Variants in ARMC8 observed in about 807,000 individuals in gnomAD.
ARMC8 encodes the protein armadillo repeat containing 8, also known as armadillo repeat-containing protein 8.
A neutral mutation model predicts 99.3 loss-of-function variants in ARMC8; 20 were observed. That is an observed-to-expected ratio of 0.20 (90% CI 0.14 to 0.29). The LOEUF is 0.29. ARMC8 is among the 10% of genes least tolerant of loss of function. The pLI is 1.00. For missense variants in ARMC8, 569 were observed against 809.5 expected (o/e 0.70, Z 3.60); for synonymous variants, 263 against 278.3 (o/e 0.95, Z 0.55).
At chr3:138,231,707 T>A (rs1174680681) in intron 6 of ARMC8, among the ~76,000 whole-genome samples, 1 of 151,374 alleles carries the variant, frequency 6.6e-6, no homozygotes, top group African/African-American at 2.4e-5. Context: ...AGCGAGAGGA[T>A]CCCAAGCGAG....
At chr3:138,271,045 C>G (rs1353714099) in intron 16 of ARMC8, among the ~76,000 whole-genome samples, 1 of 152,158 alleles carries the variant, frequency 6.6e-6, no homozygotes, top group African/African-American at 2.4e-5. Flanking sequence ...GAAGGCCTCA[C>G]AGTTAATAAT....
intron 1 of ARMC8, among the ~76,000 whole-genome samples, chr3:138,194,701 T>A (rs1177715187): frequency 6.6e-6 from 1 of 152,022 alleles, no homozygotes; most frequent in Non-Finnish European, 1.5e-5. Context: ...CAAATCTGGA[T>A]ATTCCTTCAT....
chr3:138,229,658 GAGATTCTTC>G (rs1244581608), intron 6 of ARMC8, among the ~76,000 whole-genome samples: 1 of 152,152 alleles, frequency 6.6e-6, no homozygotes, highest in Non-Finnish European at 1.5e-5. Flanking sequence ...AGAAAGGAGA[GAGATTCTTC>G]TCATTGTTGA....
At chr3:138,195,712 A>G (rs2043691944) in intron 1 of ARMC8, among the ~76,000 whole-genome samples, 2 of 152,150 alleles carry the variant, frequency 1.3e-5, no homozygotes, top group Non-Finnish European at 2.9e-5. Context: ...CAAAGCTCCT[A>G]TTATCCTCTA....
At chr3:138,227,688 G>GT (rs1330933372) in intron 5 of ARMC8, among the ~76,000 whole-genome samples, 2 of 152,058 alleles carry the variant, frequency 1.3e-5, no homozygotes, top group Admixed American at 6.6e-5. Context: ...GTTCTTTTAA[G>GT]TTTTTTTCTT....
chr3:138,285,324 G>A (rs1179128427), intron 19 of ARMC8, among the ~76,000 whole-genome samples: 2 of 152,168 alleles, frequency 1.3e-5, no homozygotes, highest in Non-Finnish European at 2.9e-5. Context: ...AAATCCTTCA[G>A]TGGCTCCTTG....
At chr3:138,262,934 T>C (rs1392632059) in intron 12 of ARMC8, among the ~76,000 whole-genome samples, 1 of 152,220 alleles carries the variant, frequency 6.6e-6, no homozygotes, top group Non-Finnish European at 1.5e-5. Context: ...CTCTGTATTA[T>C]CCAGAATAAT....
At chr3:138,203,621 C>T (rs2044199036) in intron 1 of ARMC8, among the ~76,000 whole-genome samples, 1 of 152,214 alleles carries the variant, frequency 6.6e-6, no homozygotes, top group South Asian at 2.1e-4. Context: ...CTTATTACCT[C>T]TGCTGCATTC....
intron 2 of ARMC8, among the ~76,000 whole-genome samples, chr3:138,215,729 T>A (rs2044989281): frequency 6.6e-6 from 1 of 152,206 alleles, no homozygotes; most frequent in Non-Finnish European, 1.5e-5. Context: ...ATACATTAAA[T>A]ATCCTAATTT....
In ARMC8 at chr3:138,192,300, C is replaced by T. The variant is rs1171549749; in HGVS notation, c.45+4701C>T. ...CTTTTTTTTTTTTTTTTTTTTGAGA[C>T]GGAGTCTCCCTCTGTTGCCCAGGCA... On this transcript the variant is annotated intron_variant, in intron 1 of 21. Coordinates refer to ENST00000469044, the MANE Select transcript of ARMC8 (RefSeq NM_001363941.2). Among the ~76,000 whole-genome samples, 16 of 116,736 alleles carry T rather than the reference C, an allele frequency of 1.4e-4. No homozygotes were observed. The East Asian group carries it at 2.9e-3, about 21-fold the overall frequency. The allele number at this position is 116,736 out of a possible 152,430, so 76.6% of individuals were successfully genotyped here. A position where few individuals can be genotyped will look rare whatever the true frequency, so the allele number is the denominator to read the frequency against.
chr3:138,256,501 C>T (rs935836234), intron 12 of ARMC8, among the ~76,000 whole-genome samples: 1 of 150,040 alleles, frequency 6.7e-6, no homozygotes, highest in Non-Finnish European at 1.5e-5. Context: ...AGCTCCGCCT[C>T]CTGGGTTCAC....
At chr3:138,265,740 A>G (rs535936237) in intron 14 of ARMC8, among the ~76,000 whole-genome samples, 45 of 152,146 alleles carry the variant, frequency 3.0e-4, no homozygotes, top group African/African-American at 1.0e-3. Context: ...GTGGGATATA[A>G]TGAGACATAC....
intron 5 of ARMC8, among the ~76,000 whole-genome samples, chr3:138,224,533 T>G (rs2108088550): frequency 6.6e-6 from 1 of 152,324 alleles, no homozygotes; most frequent in East Asian, 1.9e-4. Flanking sequence ...ATATATCACC[T>G]GAGGCCAGGA....
intron 18 of ARMC8, among the ~76,000 whole-genome samples, chr3:138,277,527 T>C (rs957546349): frequency 3.9e-5 from 6 of 152,214 alleles, no homozygotes; most frequent in African/African-American, 1.4e-4. Flanking sequence ...TCCAGAATAT[T>C]TGAAGAATTC....
intron 19 of ARMC8, among the ~76,000 whole-genome samples, chr3:138,287,033 C>A (rs2050498237): frequency 6.6e-6 from 1 of 152,210 alleles, no homozygotes; most frequent in Admixed American, 6.5e-5. Context: ...ACTGCCCCCA[C>A]CCTAGTCAGT....
chr3:138,238,769 C>T (rs1421933182), intron 9 of ARMC8: 1 of 152,092 alleles, frequency 6.6e-6, no homozygotes, highest in African/African-American at 2.4e-5. Flanking sequence ...TAGAAGCCAA[C>T]GTGAGATGTT....
At chr3:138,198,278 A>G (rs942505460) in intron 1 of ARMC8, among the ~76,000 whole-genome samples, 11 of 152,220 alleles carry the variant, frequency 7.2e-5, no homozygotes, top group African/African-American at 2.4e-4. Flanking sequence ...TTATGAAAAA[A>G]GAAACTCCCT....
intron 15 of ARMC8, 72 bp downstream of exon 15, chr3:138,267,313 G>T: frequency 3.3e-6 from 3 of 906,676 alleles, no homozygotes; most frequent in Non-Finnish European, 4.9e-6. Flanking sequence ...TTTTATAGTA[G>T]TTGACATTGA....
chr3:138,203,652 C>G (rs184419764), intron 1 of ARMC8, among the ~76,000 whole-genome samples: 17 of 152,330 alleles, frequency 1.1e-4, no homozygotes, highest in Admixed American at 1.1e-3. Flanking sequence ...AACCTACTTA[C>G]TTGATCCAGT....
Sources: gnomAD v4.1 joint callset for allele counts (sites outside exome capture counted in the v4.1 genomes callset) on GRCh38, gnomAD v4.1.1 for gene constraint, MANE v1.5 for transcripts, NCBI Gene and HGNC (gene_info 2026-07-23, HGNC 2026-07-21) for gene names.